NIBAN1: variants seen among roughly 807,000 people sequenced by gnomAD.
The protein encoded by NIBAN1 is protein Niban 1.
Under a neutral mutation model 75.1 loss-of-function variants are expected in NIBAN1, and 81 were observed. The ratio of observed to expected loss-of-function variants is 1.08; its 90% CI spans 0.90 to 1.30. The LOEUF is 1.30. Among genes scored for constraint, NIBAN1 ranks in the 50% most tolerant of loss-of-function variants. The pLI is 0.00. For synonymous variants in NIBAN1, 436 were observed against 424.8 expected (o/e 1.03, Z -0.32); for missense variants, 1,133 against 1,128.1 (o/e 1.00, Z -0.06).
intron 1 of NIBAN1, among the ~76,000 whole-genome samples, chr1:184,903,760 T>G: frequency 8.2e-6 from 1 of 122,676 alleles, no homozygotes; most frequent in South Asian, 2.9e-4. Context: ...TTTTTTGAGA[T>G]AGTCTCAATC....
At chr1:184,830,956 C>T (rs895368497) in intron 6 of NIBAN1, among the ~76,000 whole-genome samples, 2 of 151,014 alleles carry the variant, frequency 1.3e-5, no homozygotes, top group Non-Finnish European at 1.5e-5. Context: ...GCTGAGATTG[C>T]GCCACTGTAC....
At chr1:184,941,391 T>G (rs1328837285) in intron 1 of NIBAN1, among the ~76,000 whole-genome samples, 2 of 152,174 alleles carry the variant, frequency 1.3e-5, no homozygotes, top group African/African-American at 4.8e-5. Flanking sequence ...GGTTCACACC[T>G]ATAATCCTAG....
At chr1:184,891,779 AC>A (rs1656673027) in intron 3 of NIBAN1, among the ~76,000 whole-genome samples, 1 of 152,232 alleles carries the variant, frequency 6.6e-6, no homozygotes, top group Non-Finnish European at 1.5e-5. Context: ...TAGATGACTT[AC>A]AGGTACTTAA....
intron 5 of NIBAN1, among the ~76,000 whole-genome samples, chr1:184,883,710 T>G (rs1386857558): frequency 6.6e-6 from 1 of 152,090 alleles, no homozygotes; most frequent in African/African-American, 2.4e-5. Flanking sequence ...AAAAGCCAAG[T>G]CCAGGCCCCA....
chr1:184,892,803 A>C (rs1656704124), intron 3 of NIBAN1, among the ~76,000 whole-genome samples: 1 of 151,752 alleles, frequency 6.6e-6, no homozygotes, highest in Non-Finnish European at 1.5e-5. Context: ...ATAGAGTCTC[A>C]CTCTGTCACC....
intron 9 of NIBAN1, among the ~76,000 whole-genome samples, chr1:184,812,461 A>G (rs894769565): frequency 1.3e-5 from 2 of 152,190 alleles, no homozygotes; most frequent in East Asian, 3.9e-4. Context: ...AGAGCCTGGC[A>G]TGCCGGCCAA....
intron 1 of NIBAN1, among the ~76,000 whole-genome samples, chr1:184,945,456 T>C (rs1275635776): frequency 1.3e-5 from 2 of 152,202 alleles, no homozygotes; most frequent in African/African-American, 4.8e-5. Context: ...ATGGATTCTG[T>C]CATCAGATTT....
intron 9 of NIBAN1, among the ~76,000 whole-genome samples, chr1:184,810,282 G>A (rs1241029804): frequency 6.6e-6 from 1 of 152,082 alleles, no homozygotes; most frequent in Non-Finnish European, 1.5e-5. Flanking sequence ...TAAACTGTAG[G>A]GTACACCAGA....
chr1:184,822,614 T>C (rs868485043), intron 8 of NIBAN1, among the ~76,000 whole-genome samples: 26 of 152,158 alleles, frequency 1.7e-4, no homozygotes, highest in African/African-American at 5.8e-4. Context: ...CCTCCCCAAT[T>C]ATGCATGGAC....
At chr1:184,879,511 G>A (rs1188630835) in intron 5 of NIBAN1, among the ~76,000 whole-genome samples, 1 of 152,032 alleles carries the variant, frequency 6.6e-6, no homozygotes, top group Admixed American at 6.6e-5. Context: ...TAATGAACTT[G>A]CTTCGTAGGT....
rs1308564505 is a variant in NIBAN1 at position 184,909,863 on chromosome 1, T to A, written c.56-10554A>T. ...TTTTATTTATTTGGCAATCTAATGA[T>A]TGCCAGTCACTGGATCAGTTAATCA... On this transcript the variant is annotated intron_variant, in intron 1 of 13. Transcript: ENST00000367511. 3.9e-5 allele frequency among the ~76,000 whole-genome samples: 6 copies of A among 152,150 alleles called. No individual in the cohort carries two copies. In the East Asian group the frequency reaches 1.2e-3, roughly 29 times the overall value.
At chr1:184,840,037 C>T (rs961707610) in intron 5 of NIBAN1, among the ~76,000 whole-genome samples, 1 of 152,158 alleles carries the variant, frequency 6.6e-6, no homozygotes, top group East Asian at 1.9e-4. Context: ...CTGAGGGCCA[C>T]ATAGGGTGTG....
At chr1:184,851,485 CGGGGGAG>C (rs1655533235) in intron 5 of NIBAN1, among the ~76,000 whole-genome samples, 1 of 34,622 alleles carries the variant, frequency 2.9e-5, no homozygotes, top group East Asian at 5.6e-4. Flanking sequence ...GTGGTGGGGT[CGGGGGAG>C]GGGGGAGGGA....
chr1:184,947,079 G>A (rs2057221), intron 1 of NIBAN1, among the ~76,000 whole-genome samples: 57,478 of 150,362 alleles, frequency 0.38, 11,518 homozygotes, highest in Non-Finnish European at 0.42. Context: ...ATCTCAAAAA[G>A]AAAAGAAAAG....
At chr1:184,946,461 G>A (rs966366726) in intron 1 of NIBAN1, among the ~76,000 whole-genome samples, 2 of 152,116 alleles carry the variant, frequency 1.3e-5, no homozygotes, top group South Asian at 4.1e-4. Flanking sequence ...TTGTAGATCT[G>A]ATTCTCAAAA....
chr1:184,825,090 T>C (rs1571495389), intron 6 of NIBAN1, among the ~76,000 whole-genome samples: 1 of 152,246 alleles, frequency 6.6e-6, no homozygotes, highest in African/African-American at 2.4e-5. Flanking sequence ...GTGACCCCTA[T>C]TGAGAGGGCA....
intron 10 of NIBAN1, among the ~76,000 whole-genome samples, chr1:184,806,993 C>T (rs338561): frequency 0.2 from 30,764 of 152,062 alleles, 3,513 homozygotes; most frequent in East Asian, 0.47. Context: ...TGGTCTTAAA[C>T]TCCTGACTTC....
chr1:184,809,596 T>C, intron 9 of NIBAN1, among the ~76,000 whole-genome samples: 1 of 151,202 alleles, frequency 6.6e-6, no homozygotes, highest in Non-Finnish European at 1.5e-5. Flanking sequence ...TACATCAGGG[T>C]ATATGTGTGT....
At chr1:184,950,579 A>G (rs1557927728) in intron 1 of NIBAN1, among the ~76,000 whole-genome samples, 1 of 152,182 alleles carries the variant, frequency 6.6e-6, no homozygotes, top group African/African-American at 2.4e-5. Flanking sequence ...TGCTTATGCA[A>G]ATGAGAACAT....
Sources: allele counts gnomAD v4.1 joint callset (sites outside exome capture counted in the v4.1 genomes callset), GRCh38; gene constraint gnomAD v4.1.1; transcripts MANE v1.5; gene names NCBI Gene and HGNC (gene_info 2026-07-23, HGNC 2026-07-21).